COIL: variants seen among roughly 807,000 people sequenced by gnomAD.
COIL encodes coilin, also known as coilin p80.
A neutral mutation model predicts 51.6 loss-of-function variants in COIL; 28 were observed. That is an observed-to-expected ratio of 0.54 (90% CI 0.40 to 0.74). The LOEUF (loss-of-function observed/expected upper bound fraction) is 0.74. Ranked by LOEUF, COIL falls within the 30% of genes least tolerant of loss-of-function variation. COIL has a pLI of 0.00. For synonymous variants in COIL, 233 were observed against 255.8 expected (o/e 0.91, Z 0.85); for missense variants, 667 against 685.9 (o/e 0.97, Z 0.31).
At chr17:56,957,537 G>A (rs1471034266) in intron 1 of COIL, among the ~76,000 whole-genome samples, 10 of 150,576 alleles carry the variant, frequency 6.6e-5, no homozygotes, top group South Asian at 2.1e-4. Flanking sequence ...CAGGAGAATC[G>A]CTTGAACCTG....
rs1910335743 is a variant in COIL, at chr17:56,950,304, G to A, written c.938C>T (p.Thr313Ile). 6.2e-7 allele frequency: 1 copy of A among 1,614,112 alleles called. No individual in the cohort carries two copies. The highest frequency in any genetic ancestry group is 8.5e-7 in the Non-Finnish European group (1 of 1,180,044). Residue 313 changes from threonine to isoleucine, a missense_variant, in exon 2 of 7, where the codon ACA becomes ATA. Thr to Ile is a moderately conservative substitution (Grantham distance 89). Coordinates refer to ENST00000240316, the MANE Select transcript of COIL (RefSeq NM_004645.3). ...TPSKGKTSGT[T>I]SSSSDSSAES... ...TGCACTAGAGTCTGAACTGGAAGAT[G>A]TTGTTCCAGAGGTCTTGCCCTTGCT...
At chr17:56,942,355 A>C (rs139747675) in intron 5 of COIL, among the ~76,000 whole-genome samples, 1 of 152,276 alleles carries the variant, frequency 6.6e-6, no homozygotes, top group East Asian at 1.9e-4. Context: ...TTTCCTTCAT[A>C]AGCTTGATGA....
chr17:56,945,721 T>A (rs1024711324), intron 5 of COIL, among the ~76,000 whole-genome samples: 1 of 152,218 alleles, frequency 6.6e-6, no homozygotes, highest in African/African-American at 2.4e-5. Context: ...TGGGGGTTTT[T>A]AAAATATTTT....
At chr17:56,948,675 A>G (rs1910297710) in intron 4 of COIL, among the ~76,000 whole-genome samples, 1 of 151,676 alleles carries the variant, frequency 6.6e-6, no homozygotes, top group East Asian at 1.9e-4. Context: ...CCTCTGACTG[A>G]GTCAAGCTTT....
chr17:56,950,951 G>A lies in COIL; in HGVS notation c.291C>T (p.Ile97=). 1.2e-6 allele frequency: 2 copies of A among 1,611,172 alleles called. No individual in the cohort carries two copies. The highest frequency in any genetic ancestry group is 2.2e-5 in the East Asian group (1 of 44,876). ...GAGATAAATTAATGTCACCATTACT[G>A]ATGACTACAGAATTCTCAGCAACTC... ...ERGVAENSVV[I]SNGDINLSLR... The change falls in exon 2 of 7, where the codon ATC becomes ATT. Residue 97 remains isoleucine (I), a synonymous_variant. Transcript: ENST00000240316.
At chr17:56,960,209 A>G (rs1214143227) in intron 1 of COIL, among the ~76,000 whole-genome samples, 1 of 110,034 alleles carries the variant, frequency 9.1e-6, no homozygotes, top group Admixed American at 8.9e-5. Flanking sequence ...GGGTGACAGA[A>G]TGAGACTCAG....
chr17:56,953,917 T>C lies in COIL; in HGVS notation c.246-2921A>G, dbSNP rs191590345. Among the ~76,000 whole-genome samples the C allele has an allele frequency of 5.4e-3, 816 of 152,310 alleles. 29 individuals carry two copies. The highest frequency in any genetic ancestry group is 0.05 in the Admixed American group (759 of 15,302). On this transcript the variant is annotated intron_variant, in intron 1 of 6. Coordinates refer to ENST00000240316, the MANE Select transcript of COIL (RefSeq NM_004645.3). The stretch of plus-strand genomic sequence containing the variant: ...CCTCTGTTCCCAGCTTGGCATCTAA[T>C]AGCAAGGAAATAATTCTTAATCTGG...
At chr17:56,949,792 ACAT>A (rs1463156799) in intron 2 of COIL, 25 bp from the exon 3 acceptor site, 6 of 1,611,276 alleles carry the variant, frequency 3.7e-6, no homozygotes, top group Non-Finnish European at 5.1e-6. Flanking sequence ...TAGTCATGTG[ACAT>A]CATCACTGGT....
At chr17:56,941,663 A>C (rs542333959) in intron 6 of COIL, among the ~76,000 whole-genome samples, 2 of 152,236 alleles carry the variant, frequency 1.3e-5, no homozygotes, top group South Asian at 4.1e-4. Flanking sequence ...GTTATGTTCT[A>C]TTTCCTGATC....
intron 1 of COIL, among the ~76,000 whole-genome samples, chr17:56,960,197 C>G (rs113623751): frequency 2.0e-3 from 301 of 150,622 alleles, no homozygotes; most frequent in African/African-American, 7.2e-3. Context: ...GCACTCCAGC[C>G]TGGGTGACAG....
At chr17:56,955,321 C>A (rs1358849073) in intron 1 of COIL, among the ~76,000 whole-genome samples, 1 of 152,202 alleles carries the variant, frequency 6.6e-6, no homozygotes, top group Non-Finnish European at 1.5e-5. Flanking sequence ...CCTCGGCCTC[C>A]CAAAAGTGTT....
chr17:56,946,499 A>G lies in COIL; in HGVS notation c.1501T>C (p.Leu501=). 2 of 1,610,214 alleles carry G rather than the reference A, an allele frequency of 1.2e-6. No individual in the cohort carries two copies. Among genetic ancestry groups the G allele is most frequent in the Non-Finnish European group, 1.7e-6 (2 of 1,176,934 alleles). The change falls in exon 5 of 7, where the codon TTA becomes CTA. Residue 501 remains leucine, a synonymous_variant. Coordinates refer to ENST00000240316, the MANE Select transcript of COIL (RefSeq NM_004645.3). ...DVSDYKEGRI[L]SHNPETQQVD... ...TGCTGGGTCTCTGGATTGTGGCTTA[A>G]TATTCTTCCTTCCTTTCAAAAATAA...
chr17:56,960,806 C>G lies in COIL; in HGVS notation c.214G>C (p.Ala72Pro). ...CAGTCGTTGTCTCTCACAAGGCGCG[C>G]GCTCTCGGCGGGGGGCAAGAGCCCC... ...EGGLLPPAES[A>P]RLVRDNDCLR... is the part of the protein sequence containing the mutation. Residue 72 changes from alanine (A) to proline (P), a missense_variant, in exon 1 of 7, where the codon GCG (alanine) becomes CCG (proline). Physicochemically the swap from Ala to Pro is conservative, Grantham distance 27 (BLOSUM62 -1). Transcript: ENST00000240316. The G allele has an allele frequency of 6.3e-7, 1 of 1,590,548 alleles. No individual in the cohort carries two copies.
rs1910157405 is a variant in COIL, at chr17:56,941,987, C to G, written c.1647+48G>C. The G allele has an allele frequency of 2.7e-6, 4 of 1,459,174 alleles. No homozygotes were observed. The East Asian group carries it at 9.1e-5, about 33-fold the overall frequency. The allele number at this position is 1,459,174 out of a possible 1,614,324, so 90.4% of individuals were successfully genotyped here. On this transcript the variant is annotated intron_variant, in intron 6 of 6. Transcript: ENST00000240316. ...ACCTTCCAAACCACAGGTAATTGGT[C>G]AAGAGAGAACGAATGGCCAAGCAAC...
intron 5 of COIL, among the ~76,000 whole-genome samples, chr17:56,943,050 T>C (rs1243268028): frequency 6.6e-6 from 1 of 152,222 alleles, no homozygotes; most frequent in Middle Eastern, 3.2e-3. Context: ...GAACTAACTT[T>C]CTTTTTCTCT....
At chr17:56,955,821 T>C (rs1215302202) in intron 1 of COIL, among the ~76,000 whole-genome samples, 1 of 152,232 alleles carries the variant, frequency 6.6e-6, no homozygotes, top group Admixed American at 6.5e-5. Flanking sequence ...ACAGTACTTA[T>C]CAATTTTTAT....
At chr17:56,952,610 T>G (rs912274181) in intron 1 of COIL, among the ~76,000 whole-genome samples, 3 of 152,174 alleles carry the variant, frequency 2.0e-5, no homozygotes, top group Non-Finnish European at 4.4e-5. Flanking sequence ...AATTCATTTC[T>G]CTGCCTGACT....
At chr17:56,953,368 A>G (rs1336105073) in intron 1 of COIL, among the ~76,000 whole-genome samples, 10 of 141,180 alleles carry the variant, frequency 7.1e-5, no homozygotes, top group African/African-American at 1.8e-4. Context: ...CCGAGGTCAC[A>G]CCACTGTACT....
chr17:56,949,252 A>T, intron 4 of COIL, 135 bp downstream of exon 4: 1 of 655,380 alleles, frequency 1.5e-6, no homozygotes, highest in Non-Finnish European at 2.5e-6. Flanking sequence ...CATTTCGATT[A>T]ATGTTTTCAT....
Sources: allele counts gnomAD v4.1 joint callset (sites outside exome capture counted in the v4.1 genomes callset), GRCh38; gene constraint gnomAD v4.1.1; transcripts MANE v1.5; gene names NCBI Gene and HGNC (gene_info 2026-07-23, HGNC 2026-07-21).